The following SOX5 variants were observed in gnomAD, a reference collection of about 807,000 sequenced individuals.
SOX5 encodes the protein transcription factor SOX-5.
A neutral mutation model predicts 92.0 loss-of-function variants in SOX5; 9 were observed. The ratio of observed to expected loss-of-function variants is 0.10; its 90% CI spans 0.06 to 0.17. The LOEUF is 0.17. Ranked by LOEUF, SOX5 falls within the 10% of genes least tolerant of loss-of-function variation. The pLI is 1.00. For missense variants in SOX5, 642 were observed against 944.5 expected (o/e 0.68, Z 4.20); for synonymous variants, 344 against 336.3 (o/e 1.02, Z -0.25).
At chr12:24,350,582 G>T (rs1052095652) in intron 2 of SOX5, among the ~76,000 whole-genome samples, 1 of 152,120 alleles carries the variant, frequency 6.6e-6, no homozygotes, top group South Asian at 2.1e-4. Context: ...GGGCTCAAGC[G>T]AGCCTCCTGC....
intron 7 of SOX5, among the ~76,000 whole-genome samples, chr12:23,643,579 A>C (rs910943279): frequency 6.6e-6 from 1 of 152,184 alleles, no homozygotes; most frequent in African/African-American, 2.4e-5. Context: ...AGGTCCAAAA[A>C]TTTGGACTGT....
chr12:23,636,272 G>T (rs897787414), intron 8 of SOX5, among the ~76,000 whole-genome samples: 2 of 152,132 alleles, frequency 1.3e-5, no homozygotes, highest in Admixed American at 1.3e-4. Context: ...TATATATGAT[G>T]ATTTTTAGAA....
At chr12:24,350,086 T>C (rs1331271459) in intron 2 of SOX5, among the ~76,000 whole-genome samples, 4 of 152,244 alleles carry the variant, frequency 2.6e-5, no homozygotes, top group Non-Finnish European at 5.9e-5. Context: ...AGATTCTTTC[T>C]GAAATGGTTT....
chr12:24,380,424 A>C (rs896039451), intron 1 of SOX5, among the ~76,000 whole-genome samples: 1 of 152,256 alleles, frequency 6.6e-6, no homozygotes, highest in Non-Finnish European at 1.5e-5. Context: ...CTTGAGAATG[A>C]CTTGAATTTT....
intron 2 of SOX5, among the ~76,000 whole-genome samples, chr12:23,861,190 T>C (rs2096753681): frequency 6.6e-6 from 1 of 152,088 alleles, no homozygotes; most frequent in Non-Finnish European, 1.5e-5. Flanking sequence ...ATGAATGGGC[T>C]CTCAGAACGC....
intron 1 of SOX5, among the ~76,000 whole-genome samples, chr12:24,403,676 C>A (rs566622137): frequency 1.3e-5 from 2 of 152,322 alleles, no homozygotes; most frequent in African/African-American, 4.8e-5. Flanking sequence ...ATTTACATGG[C>A]CAACAGTCTA....
intron 4 of SOX5, among the ~76,000 whole-genome samples, chr12:24,189,457 A>C (rs1342253688): frequency 2.6e-5 from 4 of 152,200 alleles, no homozygotes; most frequent in African/African-American, 9.6e-5. Context: ...CTAATACTGC[A>C]TCAACCATGA....
chr12:23,949,448 A>T, intron 1 of SOX5, 116 bp downstream of exon 1: 1 of 1,230,470 alleles, frequency 8.1e-7, no homozygotes, highest in Non-Finnish European at 1.2e-6. Context: ...CAGAAGCCCT[A>T]GCTAAAGGCT....
intron 2 of SOX5, among the ~76,000 whole-genome samples, chr12:23,867,335 C>G (rs1204752814): frequency 6.6e-6 from 1 of 152,046 alleles, no homozygotes; most frequent in East Asian, 1.9e-4. Flanking sequence ...TTATGTTTCC[C>G]CTCCTTAAAG....
intron 10 of SOX5, among the ~76,000 whole-genome samples, chr12:23,567,699 T>C (rs1406082814): frequency 1.3e-5 from 2 of 152,022 alleles, no homozygotes; most frequent in Non-Finnish European, 2.9e-5. Flanking sequence ...CACACAATTC[T>C]CCTGCCTTGG....
intron 3 of SOX5, among the ~76,000 whole-genome samples, chr12:23,779,872 C>G (rs1321878390): frequency 7.0e-6 from 1 of 143,850 alleles, no homozygotes; most frequent in East Asian, 2.1e-4. Flanking sequence ...TATGTGCATA[C>G]ATGACTAATA....
At chr12:24,240,031 C>A (rs1565727721) in intron 3 of SOX5, among the ~76,000 whole-genome samples, 2 of 152,090 alleles carry the variant, frequency 1.3e-5, no homozygotes, top group African/African-American at 4.8e-5. Flanking sequence ...AAAGTTATGG[C>A]ACTATATAAA....
intron 4 of SOX5, among the ~76,000 whole-genome samples, chr12:24,004,451 A>T (rs765886358): frequency 5.9e-5 from 9 of 152,126 alleles, no homozygotes; most frequent in Non-Finnish European, 8.8e-5. Flanking sequence ...AAAATTCACT[A>T]GAGATATGAA....
chr12:24,310,835 C>T (rs1949090512), intron 2 of SOX5, among the ~76,000 whole-genome samples: 1 of 151,318 alleles, frequency 6.6e-6, no homozygotes, highest in Non-Finnish European at 1.5e-5. Flanking sequence ...GAAGGATTTT[C>T]AGTGTTTTCA....
At chr12:23,734,878 C>T in intron 5 of SOX5, 126 bp from the exon 6 acceptor site, 1 of 650,234 alleles carries the variant, frequency 1.5e-6, no homozygotes, top group Non-Finnish European at 2.7e-6. Context: ...CGTGTCTGTG[C>T]TCCTAAATTA....
chr12:24,363,727 A>AAG (rs1955854773), intron 2 of SOX5, among the ~76,000 whole-genome samples: 1 of 151,980 alleles, frequency 6.6e-6, no homozygotes, highest in African/African-American at 2.4e-5. Flanking sequence ...AAAAAAAAAA[A>AAG]AAGTCTGATT....
chr12:23,983,427 C>T (rs190107428), intron 4 of SOX5, among the ~76,000 whole-genome samples: 100 of 152,216 alleles, frequency 6.6e-4, no homozygotes, highest in Non-Finnish European at 1.1e-3. Flanking sequence ...ATCATGGGGT[C>T]GGAAGACTGG....
intron 3 of SOX5, among the ~76,000 whole-genome samples, chr12:23,826,199 G>A (rs1336853378): frequency 6.4e-5 from 6 of 94,026 alleles, no homozygotes; most frequent in South Asian, 7.9e-4. Context: ...AACAGGCCCC[G>A]GTGTGTGATG....
At chr12:23,907,522 T>C (rs2097306506) in intron 1 of SOX5, among the ~76,000 whole-genome samples, 1 of 152,162 alleles carries the variant, frequency 6.6e-6, no homozygotes, top group Non-Finnish European at 1.5e-5. Flanking sequence ...GTTATGTAAT[T>C]CCTAAATATT....
Sources: gnomAD v4.1 joint callset for allele counts (sites outside exome capture counted in the v4.1 genomes callset) on GRCh38, gnomAD v4.1.1 for gene constraint, MANE v1.5 for transcripts, NCBI Gene and HGNC (gene_info 2026-07-23, HGNC 2026-07-21) for gene names.